The following ARHGEF40 variants were observed in gnomAD, a reference collection of about 807,000 sequenced individuals.
The protein encoded by ARHGEF40 is Rho guanine nucleotide exchange factor 40, also known as Rho guanine nucleotide exchange factor (GEF) 40.
In ARHGEF40, 98 loss-of-function variants were observed where a neutral mutation model predicts 165.9. The observed-to-expected ratio is 0.59, with a 90% CI of 0.50 to 0.70. The LOEUF is 0.70. Among genes scored for constraint, ARHGEF40 ranks in the 30% least tolerant of loss-of-function variants. The pLI, the probability that ARHGEF40 is intolerant of heterozygous loss-of-function variation, is 0.00. For missense variants in ARHGEF40, 1,815 were observed against 1,968.0 expected (o/e 0.92, Z 1.47); for synonymous variants, 792 against 814.3 (o/e 0.97, Z 0.47).
upstream of ARHGEF40, chr14:21,070,126 G>T: frequency 4.8e-6 from 1 of 209,710 alleles, no homozygotes. The surrounding 1 kb of genome is among the most constrained non-coding windows in gnomAD (Gnocchi z 4.7). Context: ...CCCGGGGAAC[G>T]GCAGAGATCT....
At chr14:21,081,350 A>T in intron 13 of ARHGEF40, 159 bp from the exon 14 acceptor site, 1 of 1,075,568 alleles carries the variant, frequency 9.3e-7, no homozygotes, top group Non-Finnish European at 1.3e-6. Flanking sequence ...ACTCCGAGTG[A>T]CATGGTTAGG....
At chr14:21,061,871 G>A in the ARHGEF40 span, among the ~76,000 whole-genome samples, 11 of 152,180 alleles carry the variant, frequency 7.2e-5, no homozygotes, top group Admixed American at 1.3e-4. Flanking sequence ...ATCCTATTTA[G>A]AAATTGTTAG....
chr14:21,082,065 C>T lies in ARHGEF40; in HGVS notation c.3197C>T (p.Pro1066Leu). The T allele has an allele frequency of 6.4e-7, 1 of 1,559,886 alleles. No homozygotes were observed. Among genetic ancestry groups the T allele is most frequent in the Non-Finnish European group, 8.7e-7 (1 of 1,151,876 alleles). The change falls in exon 14 of 24, where the codon CCA (proline) becomes CTA (leucine). Residue 1066 changes from proline to leucine, a missense_variant. Transcript: ENST00000298694. ...GTGCTGCTGGGCCGGGCTAGGGGGC[C>T]AGACGGACCCTGGGGAGTAGGCACC... Reference protein sequence around the residue: ...EHVLLGRARGPDGPWGVGTPR... With the variant: ...EHVLLGRARGLDGPWGVGTPR...
rs538269870 is a variant in ARHGEF40, at chr14:21,070,805, C to T, written c.3+406C>T. 2 of 1,535,614 alleles carry T rather than the reference C, an allele frequency of 1.3e-6. No individual in the cohort carries two copies. The highest frequency in any genetic ancestry group is 1.7e-6 in the Non-Finnish European group (2 of 1,146,824). On this transcript the variant is annotated intron_variant, in intron 1 of 23. Transcript: ENST00000298694. This position sits in a 1 kb window ranked among gnomAD's most constrained non-coding sequence, Gnocchi z 4.7. ...TGCAGCGACCCTGGAAGAGGCCCGG[C>T]CCCTCGGGTCATGAGAACTGACCTG...
rs778450659 is a variant in ARHGEF40 at position 21,074,540 on chromosome 14, G to A, written c.810G>A (p.Thr270=). 1.4e-5 allele frequency: 22 copies of A among 1,551,646 alleles called. No individual in the cohort carries two copies. Among genetic ancestry groups the A allele is most frequent in the African/African-American group, 4.1e-5 (3 of 73,474 alleles). The change falls in exon 3 of 24, where the codon ACG becomes ACA. Residue 270 remains threonine (T), a synonymous_variant. Coordinates refer to ENST00000298694, the MANE Select transcript of ARHGEF40 (RefSeq NM_018071.5). The surrounding 1 kb of genome is among the most constrained non-coding windows in gnomAD (Gnocchi z 4.8). ...CCCCAGGCCTCTCCAGAGTCCGGAC[G>A]GTACCCACCCGCAAGGGCGCTGGAG... ...EGSPGLSRVR[T]VPTRKGAGGK...
upstream of ARHGEF40, among the ~76,000 whole-genome samples, chr14:21,068,935 C>G (rs1886451202): frequency 2.0e-5 from 3 of 152,268 alleles, no homozygotes; most frequent in African/African-American, 7.2e-5. Context: ...GGCACCCCCG[C>G]CTCCCCTCCC....
the ARHGEF40 span, among the ~76,000 whole-genome samples, chr14:21,062,342 A>C: frequency 6.6e-6 from 1 of 152,318 alleles, no homozygotes; most frequent in African/African-American, 2.4e-5. Flanking sequence ...AGGGAAGCTC[A>C]AGGCTCAGGC....
In ARHGEF40 at chr14:21,078,443, A is replaced by AT; in HGVS notation, c.2202dup (p.Gly735TrpfsTer96). On this transcript the variant is annotated frameshift_variant, in exon 10 of 24. Transcript: ENST00000298694. LOFTEE classifies it high-confidence loss of function. ...CCCCGGCTGACGGCACTGCAGAGGG[A>AT]TGGGGGGGCCATCCTGATGAGGCTG... 6.2e-7 allele frequency: 1 copy of AT among 1,610,296 alleles called. No homozygotes were observed. Among genetic ancestry groups the AT allele is most frequent in the Non-Finnish European group, 8.5e-7 (1 of 1,177,668 alleles).
chr14:21,088,514 A>AC (rs1417951611), intron 22 of ARHGEF40, among the ~76,000 whole-genome samples: 2 of 73,968 alleles, frequency 2.7e-5, no homozygotes, highest in African/African-American at 7.3e-5. Flanking sequence ...CTCCATCTCT[A>AC]CAAAAAAAAA....
At position 21,085,810 on chromosome 14, in the gene ARHGEF40, T is replaced by G. The variant is rs759039735; in HGVS notation, c.4082T>G (p.Leu1361Arg). ...CAGGCAACCTCACCAGAGATCAAAC[T>G]CAAGTGGACAAGTTCTATTGCCCAG... ...TLQATSPEIK[L>R]KWTSSIAQLL... Residue 1361 changes from leucine (L) to arginine (R), a missense_variant, in exon 19 of 24, where the codon CTC becomes CGC. Coordinates refer to ENST00000298694, the MANE Select transcript of ARHGEF40 (RefSeq NM_018071.5). 6 of 1,614,104 alleles carry G rather than the reference T, an allele frequency of 3.7e-6. No individual in the cohort carries two copies. The Admixed American group carries it at 1.0e-4, about 27-fold the overall frequency.
intron 16 of ARHGEF40, among the ~76,000 whole-genome samples, chr14:21,083,410 C>T (rs867981624): frequency 1.3e-5 from 2 of 151,306 alleles, no homozygotes; most frequent in Admixed American, 6.6e-5. Flanking sequence ...ATTAGCCAGG[C>T]GTGGTGGCGG....
intron 16 of ARHGEF40, 22 bp downstream of exon 16, chr14:21,082,939 A>C: frequency 6.2e-7 from 1 of 1,608,802 alleles, no homozygotes; most frequent in Non-Finnish European, 8.5e-7. Context: ...TCCAACCTTC[A>C]GGAGAAAAGT....
At position 21,075,439 on chromosome 14, in the gene ARHGEF40, G is replaced by C; in HGVS notation, c.1558G>C (p.Val520Leu). Residue 520 changes from valine to leucine, a missense_variant, in exon 4 of 24, where the codon GTC (valine) becomes CTC (leucine). Coordinates refer to ENST00000298694, the MANE Select transcript of ARHGEF40 (RefSeq NM_018071.5). The surrounding 1 kb of genome is among the most constrained non-coding windows in gnomAD (Gnocchi z 4.5). ...TCCAGAAGAGGCCCTTGCAGTCTCC[G>C]TCTCTGATCACCCTGATGTAGCTTG... ...NIPEEALAVS[V>L]SDHPDVAWDL... 1 of 1,614,190 alleles carries C rather than the reference G, an allele frequency of 6.2e-7. No homozygotes were observed. Among genetic ancestry groups the C allele is most frequent in the Middle Eastern group, 1.6e-4 (1 of 6,062 alleles).
Position 21,075,505 on chromosome 14 carries a change from T to C in ARHGEF40, c.1618+6T>C, listed in dbSNP as rs1299917616. ...TGGATTCCTCATCCTGACGGGTCAG[T>C]GGGCATCAGTGGGTGAAGGGAAACA... On this transcript the variant is annotated splice_donor_region_variant and intron_variant, in intron 4 of 23. Transcript: ENST00000298694. The surrounding 1 kb of genome is among the most constrained non-coding windows in gnomAD (Gnocchi z 4.5). 1.1e-5 allele frequency: 18 copies of C among 1,613,764 alleles called. No homozygotes were observed. Among genetic ancestry groups the C allele is most frequent in the Non-Finnish European group, 1.5e-5 (18 of 1,179,966 alleles).
At position 21,073,197 on chromosome 14, in the gene ARHGEF40, G is replaced by A. The variant is rs148972280; in HGVS notation, c.156G>A (p.Leu52=). 6.2e-6 allele frequency: 10 copies of A among 1,613,742 alleles called. No individual in the cohort carries two copies. Among genetic ancestry groups the A allele is most frequent in the African/African-American group, 2.7e-5 (2 of 74,874 alleles). ...EDALRYTLDF[L]VPAKHLLAKV... ...CACTGAGGTACACGCTGGACTTCCT[G>A]GTACCAGCCAAGCACCTGCTTGCCA... The change falls in exon 2 of 24, where the codon CTG becomes CTA. Residue 52 remains leucine (L), a synonymous_variant. Coordinates refer to ENST00000298694, the MANE Select transcript of ARHGEF40 (RefSeq NM_018071.5). The surrounding 1 kb of genome is among the most constrained non-coding windows in gnomAD (Gnocchi z 4.6).
At position 21,073,808 on chromosome 14, in the gene ARHGEF40, C is replaced by A; in HGVS notation, c.202-124C>A. On this transcript the variant is annotated intron_variant, in intron 2 of 23. Coordinates refer to ENST00000298694, the MANE Select transcript of ARHGEF40 (RefSeq NM_018071.5). The surrounding 1 kb of genome is among the most constrained non-coding windows in gnomAD (Gnocchi z 4.6). ...AATACCCCAAATCTCCCCTCCTGCT[C>A]TCCTGAGAGTATAACCTTCCAGGCA... The A allele has an allele frequency of 1.7e-6, 2 of 1,146,736 alleles. No homozygotes were observed. The highest frequency in any genetic ancestry group is 1.5e-5 in the South Asian group (1 of 64,856). 71.0% of individuals were successfully genotyped at this position (1,146,736 alleles called of 1,614,324 possible).
chr14:21,061,426 C>T, the ARHGEF40 span, among the ~76,000 whole-genome samples: 72 of 152,142 alleles, frequency 4.7e-4, 1 homozygote, highest in African/African-American at 1.6e-3. Context: ...AATTAGATGG[C>T]GTGTAACTGG....
At position 21,089,104 on chromosome 14, in the gene ARHGEF40, G is replaced by T. The variant is rs563936050; in HGVS notation, c.*96G>T. On this transcript the variant is annotated 3_prime_UTR_variant, in exon 24 of 24. Transcript: ENST00000298694. ...CATAATGGAGCCCTGGGCGATCGCT[G>T]AATTTCTTCCCTCTGCTTCCTGGAC... 4 of 495,308 alleles carry T rather than the reference G, an allele frequency of 8.1e-6. No individual in the cohort carries two copies. In the South Asian group the frequency reaches 1.3e-4, roughly 16 times the overall value. The allele number at this position is 495,308 out of a possible 1,614,324, so 30.7% of individuals were successfully genotyped here.
rs1211903661 is a variant in ARHGEF40 at position 21,089,390 on chromosome 14, C to T, written c.*382C>T. Reference sequence around the variant, plus strand: ...CTTTCCCTGAGAAGAATCATCTCTGCCAGGTCAACTGGAGTCCCTGGTGAC... The same window carrying T: ...CTTTCCCTGAGAAGAATCATCTCTGTCAGGTCAACTGGAGTCCCTGGTGAC... On this transcript the variant is annotated 3_prime_UTR_variant, in exon 24 of 24. Coordinates refer to ENST00000298694, the MANE Select transcript of ARHGEF40 (RefSeq NM_018071.5). The T allele has an allele frequency of 6.5e-6, 1 of 153,710 alleles. No individual in the cohort carries two copies. Among genetic ancestry groups the T allele is most frequent in the Non-Finnish European group, 1.5e-5 (1 of 68,804 alleles). The allele number at this position is 153,710 out of a possible 1,614,324, so 9.5% of individuals were successfully genotyped here.
Sources: gnomAD v4.1 joint callset for allele counts (sites outside exome capture counted in the v4.1 genomes callset) on GRCh38, gnomAD v4.1.1 for gene constraint, Gnocchi (gnomAD v3.1) non-coding constraint, MANE v1.5 for transcripts, NCBI Gene and HGNC (gene_info 2026-07-23, HGNC 2026-07-21) for gene names.